Variants in IRAG2 observed in about 807,000 individuals in gnomAD.
IRAG2 encodes the protein lymphoid restricted membrane protein.
Under a neutral mutation model 69.9 loss-of-function variants are expected in IRAG2, and 45 were observed. The observed-to-expected ratio is 0.64, with a 90% CI of 0.51 to 0.83. IRAG2 has a LOEUF of 0.83. IRAG2 is among the 40% of genes least tolerant of loss of function. The probability of loss-of-function intolerance (pLI) is 0.00; values close to 1 mark genes in which losing one functional copy is unlikely to be tolerated. For missense variants in IRAG2, 520 were observed against 587.0 expected (o/e 0.89, Z 1.18); for synonymous variants, 193 against 202.4 (o/e 0.95, Z 0.40).
At chr12:25,080,866 T>G (rs188201880) in intron 9 of IRAG2, among the ~76,000 whole-genome samples, 2 of 152,278 alleles carry the variant, frequency 1.3e-5, no homozygotes, top group African/African-American at 4.8e-5. Flanking sequence ...GAGGCACAAA[T>G]TTGATTACAC....
chr12:25,015,323 T>A (rs1263253844), intron 4 of IRAG2: 39 of 1,231,582 alleles, frequency 3.2e-5, no homozygotes, highest in Non-Finnish European at 3.3e-5. Context: ...ATGATTTTTT[T>A]TCATAAAACT....
intron 8 of IRAG2, among the ~76,000 whole-genome samples, chr12:25,026,114 G>A (rs1027359978): frequency 6.6e-6 from 1 of 152,148 alleles, no homozygotes; most frequent in South Asian, 2.1e-4. Context: ...AAAAACAGGT[G>A]GTCAGCTAGA....
intron 16 of IRAG2, chr12:25,101,877 T>C: frequency 1.8e-6 from 1 of 553,772 alleles, no homozygotes; most frequent in African/African-American, 1.9e-5. Flanking sequence ...TGTTCCCTGT[T>C]CTAGAACAGT....
rs1438637922 is a variant in IRAG2, at chr12:25,083,487, A to C, written c.309A>C (p.Leu103Phe). ...QDSTSKDKTI[L>F]NLEAKEEPET... ...CTACGAGTAAGGATAAAACCATATT[A>C]AATCTGGTAAGGAAATACGTATGTT... The change falls in exon 10 of 22, where the codon TTA becomes TTC. Residue 103 changes from leucine (L) to phenylalanine (F), a missense_variant. Leu to Phe is a conservative substitution (Grantham distance 22, BLOSUM62 0). Coordinates refer to ENST00000556887, the MANE Select transcript of IRAG2 (RefSeq NM_001366544.2). 2 of 1,590,840 alleles carry C rather than the reference A, an allele frequency of 1.3e-6. No homozygotes were observed. The highest frequency in any genetic ancestry group is 1.7e-6 in the Non-Finnish European group (2 of 1,158,952).
intron 10 of IRAG2, 83 bp downstream of exon 10, chr12:25,083,576 T>A (rs1947370032): frequency 3.8e-6 from 3 of 784,576 alleles, no homozygotes; most frequent in Middle Eastern, 4.9e-4. Flanking sequence ...GTCTTAAAAG[T>A]ATTATCTCAT....
chr12:25,037,118 G>A (rs1944708414), intron 15 of IRAG2, among the ~76,000 whole-genome samples: 2 of 152,064 alleles, frequency 1.3e-5, no homozygotes, highest in African/African-American at 2.4e-5. Context: ...TTCTTAGGTA[G>A]CTATTCCCAG....
intron 8 of IRAG2, among the ~76,000 whole-genome samples, chr12:25,025,814 A>G (rs1944617232): frequency 6.6e-6 from 1 of 152,142 alleles, no homozygotes; most frequent in Non-Finnish European, 1.5e-5. Context: ...TAAGAAGGAA[A>G]TTTTCTTCTG....
At chr12:25,026,475 G>C (rs1237979822) in intron 8 of IRAG2, among the ~76,000 whole-genome samples, 4 of 152,152 alleles carry the variant, frequency 2.6e-5, no homozygotes, top group Non-Finnish European at 5.9e-5. Context: ...GAAGGATAAT[G>C]AAAAGGTGGT....
chr12:25,071,902 C>T (rs920519816), intron 6 of IRAG2, among the ~76,000 whole-genome samples: 35 of 151,870 alleles, frequency 2.3e-4, no homozygotes, highest in African/African-American at 8.2e-4. Context: ...TGCTTCACAC[C>T]CATTAAGAAA....
intron 3 of IRAG2, among the ~76,000 whole-genome samples, chr12:25,014,706 G>A (rs1176650881): frequency 6.6e-6 from 1 of 151,914 alleles, no homozygotes; most frequent in African/African-American, 2.4e-5. Flanking sequence ...AAGGGAAAAT[G>A]TATCCCTGTC....
intron 16 of IRAG2, among the ~76,000 whole-genome samples, chr12:25,041,860 A>C (rs1944752854): frequency 8.9e-6 from 1 of 112,930 alleles, no homozygotes; most frequent in African/African-American, 2.9e-5. Flanking sequence ...ATATCAACTT[A>C]CTGGTTTGTG....
upstream of IRAG2, among the ~76,000 whole-genome samples, chr12:25,049,515 T>TA (rs990712606): frequency 1.3e-5 from 2 of 151,808 alleles, no homozygotes; most frequent in Admixed American, 6.6e-5. Context: ...AGAACAACAA[T>TA]AAAAAAACAC....
chr12:25,028,065 C>T (rs1565529433), intron 9 of IRAG2, among the ~76,000 whole-genome samples: 1 of 152,186 alleles, frequency 6.6e-6, no homozygotes, highest in African/African-American at 2.4e-5. Context: ...GCTGGGATTA[C>T]AGGCGTGCGC....
At position 25,079,711 on chromosome 12, in the gene IRAG2, C is replaced by G; in HGVS notation, c.192C>G (p.Leu64=). 6.2e-7 allele frequency: 1 copy of G among 1,614,022 alleles called. No individual in the cohort carries two copies. Among genetic ancestry groups the G allele is most frequent in the Non-Finnish European group, 8.5e-7 (1 of 1,179,964 alleles). ...MASCDLDRNS[L]CKKEEDTRSA... Reference sequence around the variant, plus strand: ...CTTGTGACCTTGACAGAAACTCGCTCTGTAAGAAAGAGGAGGATACAAGAT... The same window carrying G: ...CTTGTGACCTTGACAGAAACTCGCTGTGTAAGAAAGAGGAGGATACAAGAT... Residue 64 remains leucine, a synonymous_variant, in exon 9 of 22, where the codon CTC becomes CTG. Transcript: ENST00000556887.
chr12:25,102,067 T>C (rs1161330407), intron 16 of IRAG2, 131 bp from the exon 17 acceptor site: 17 of 719,654 alleles, frequency 2.4e-5, no homozygotes, highest in Admixed American at 4.0e-5. Context: ...AACAGATATT[T>C]ATATTGCTCG....
chr12:25,029,709 C>A (rs1209137300), intron 9 of IRAG2, among the ~76,000 whole-genome samples: 4 of 151,372 alleles, frequency 2.6e-5, no homozygotes, highest in South Asian at 2.1e-4. Flanking sequence ...AGATGAGAGT[C>A]TTGCGCTGTC....
chr12:25,096,738 A>G (rs1259167795), intron 14 of IRAG2, 172 bp from the exon 15 acceptor site: 2 of 498,748 alleles, frequency 4.0e-6, no homozygotes, highest in South Asian at 7.4e-5. Flanking sequence ...CAGTACCCAA[A>G]AAAGATAATA....
intron 21 of IRAG2, among the ~76,000 whole-genome samples, chr12:25,107,611 G>A (rs1441078128): frequency 6.7e-6 from 1 of 148,898 alleles, no homozygotes; most frequent in Admixed American, 6.7e-5. Context: ...GATTCTCATC[G>A]TAGCACATCA....
chr12:25,026,418 G>A (rs2139841857), intron 8 of IRAG2, among the ~76,000 whole-genome samples: 1 of 152,286 alleles, frequency 6.6e-6, no homozygotes, highest in South Asian at 2.1e-4. Context: ...ATTGCCCAGG[G>A]AAGAACTGAA....
Sources: gnomAD v4.1 joint callset for allele counts (sites outside exome capture counted in the v4.1 genomes callset) on GRCh38, gnomAD v4.1.1 for gene constraint, MANE v1.5 for transcripts, NCBI Gene and HGNC (gene_info 2026-07-23, HGNC 2026-07-21) for gene names.